The following IREB2 variants were observed in gnomAD, a reference collection of about 807,000 sequenced individuals.
The protein encoded by IREB2 is iron-responsive element-binding protein 2.
A neutral mutation model predicts 118.8 loss-of-function variants in IREB2; 39 were observed. The ratio of observed to expected loss-of-function variants is 0.33; its 90% CI spans 0.25 to 0.43. IREB2 has a LOEUF of 0.43. IREB2 is among the 20% of genes least tolerant of loss of function. The pLI, the probability that IREB2 is intolerant of heterozygous loss-of-function variation, is 1.00. For synonymous variants in IREB2, 372 were observed against 392.2 expected (o/e 0.95, Z 0.61); for missense variants, 900 against 1,147.3 (o/e 0.78, Z 3.11).
chr15:78,468,221 T>C (rs537056047), intron 5 of IREB2, among the ~76,000 whole-genome samples: 1 of 152,218 alleles, frequency 6.6e-6, no homozygotes, highest in South Asian at 2.1e-4. Flanking sequence ...ATGTAAAATA[T>C]AACAATTTAT....
chr15:78,446,439 G>A (rs906140267), intron 2 of IREB2, among the ~76,000 whole-genome samples: 5 of 152,050 alleles, frequency 3.3e-5, no homozygotes, highest in South Asian at 2.1e-4. Flanking sequence ...ATGATACAGC[G>A]CTCCCCAGGC....
In IREB2 at chr15:78,470,558, A is replaced by C. The variant is rs200887475; in HGVS notation, c.656A>C (p.Glu219Ala). Residue 219 changes from glutamate to alanine, a missense_variant, in exon 6 of 22, where the codon GAA becomes GCA. By Grantham distance (107) the Glu-to-Ala change is moderately radical. Transcript: ENST00000258886. The part of the protein sequence containing the change: ...PEPETVLKNQ[E>A]VEFGRNRERL... ...CCTGAAACAGTGTTAAAAAATCAAG[A>C]AGTAGAATTCGGCAGAAATCGAGAG... 523 of 1,596,040 alleles carry C rather than the reference A, an allele frequency of 3.3e-4. No homozygotes were observed. The highest frequency in any genetic ancestry group is 3.3e-4 in the Non-Finnish European group (383 of 1,167,938).
chr15:78,466,687 C>G (rs2051289152), intron 5 of IREB2, among the ~76,000 whole-genome samples, 198 bp downstream of exon 5: 1 of 152,102 alleles, frequency 6.6e-6, no homozygotes, highest in South Asian at 2.1e-4. Context: ...ACCATTCTCT[C>G]TTACCATTAC....
At chr15:78,462,873 A>G (rs781312779) in intron 2 of IREB2, 49 bp from the exon 3 acceptor site, 13 of 1,360,352 alleles carry the variant, frequency 9.6e-6, no homozygotes, top group Non-Finnish European at 9.0e-6. Flanking sequence ...TAAAAATAAT[A>G]TATAGGTATG....
intron 8 of IREB2, 56 bp downstream of exon 8, chr15:78,473,437 TGAAGA>T (rs1457710339): frequency 1.3e-6 from 2 of 1,485,434 alleles, no homozygotes; most frequent in African/African-American, 2.8e-5. Context: ...TTATAAAAAT[TGAAGA>T]GCTCTATGAG....
At chr15:78,458,229 C>A (rs2051137342) in intron 2 of IREB2, among the ~76,000 whole-genome samples, 1 of 152,046 alleles carries the variant, frequency 6.6e-6, no homozygotes, top group Admixed American at 6.6e-5. Flanking sequence ...TGAAAAATTT[C>A]AAACATGAAA....
chr15:78,440,769 T>A (rs190506365), intron 2 of IREB2, among the ~76,000 whole-genome samples: 2 of 152,332 alleles, frequency 1.3e-5, no homozygotes, highest in Admixed American at 1.3e-4. Context: ...TTCTGAAGTA[T>A]TGGGCATGGT....
At chr15:78,490,044 C>T (rs1343395408) in intron 16 of IREB2, among the ~76,000 whole-genome samples, 1 of 152,012 alleles carries the variant, frequency 6.6e-6, no homozygotes, top group Non-Finnish European at 1.5e-5. Context: ...TGGAGTGTTC[C>T]TGAACATCTG....
intron 10 of IREB2, among the ~76,000 whole-genome samples, chr15:78,479,831 C>T (rs866763162): frequency 7.9e-5 from 12 of 151,176 alleles, no homozygotes; most frequent in African/African-American, 1.9e-4. Flanking sequence ...TGAGTAGGGA[C>T]GATGGCTTGA....
rs201574906 is a variant in IREB2 at position 78,497,227 on chromosome 15, A to G, written c.2697A>G (p.Ala899=). The G allele has an allele frequency of 9.2e-5, 149 of 1,613,712 alleles. No individual in the cohort carries two copies. Among genetic ancestry groups the G allele is most frequent in the Middle Eastern group, 3.3e-4 (2 of 6,084 alleles). Residue 899 remains alanine, a synonymous_variant, in exon 21 of 22, where the codon GCA becomes GCG. Transcript: ENST00000258886. ...APLQFLPGEN[A]DSLGLSGRET... is the part of the protein sequence containing the mutation. ...TTCAGTTCCTTCCAGGAGAAAATGCAGATTCCTTGGGCCTCTCCGGTAGAG... is the reference window on the plus strand; with the variant it reads ...TTCAGTTCCTTCCAGGAGAAAATGCGGATTCCTTGGGCCTCTCCGGTAGAG...
At chr15:78,463,908 A>C (rs1324358439) in intron 3 of IREB2, among the ~76,000 whole-genome samples, 1 of 152,152 alleles carries the variant, frequency 6.6e-6, no homozygotes, top group Non-Finnish European at 1.5e-5. Context: ...CTTTTCTGTT[A>C]TAGTAAATGG....
intron 10 of IREB2, among the ~76,000 whole-genome samples, chr15:78,483,086 C>T (rs1002685712): frequency 6.6e-6 from 1 of 152,118 alleles, no homozygotes; most frequent in East Asian, 1.9e-4. Flanking sequence ...AGTTTAATTG[C>T]ATACTGATCT....
intron 2 of IREB2, among the ~76,000 whole-genome samples, chr15:78,451,650 A>G (rs964833690): frequency 4.6e-5 from 7 of 152,142 alleles, no homozygotes; most frequent in African/African-American, 1.4e-4. Flanking sequence ...TTGAGCACTG[A>G]CGCTCAAAGG....
Position 78,488,182 on chromosome 15 carries a change from T to A in IREB2, c.1797T>A (p.Gly599=). 1 of 1,604,998 alleles carries A rather than the reference T, an allele frequency of 6.2e-7. No individual in the cohort carries two copies. The highest frequency in any genetic ancestry group is 8.5e-7 in the Non-Finnish European group (1 of 1,177,100). ...SDAVLNAVKQ[G]DLVTCGILSG... The stretch of plus-strand genomic sequence containing the variant: ...TTGTGTGTTTGTGTTTTTTTCAGGG[T>A]GATTTGGTTACCTGTGGAATTTTAT... Residue 599 remains glycine (G), a splice_region_variant and synonymous_variant, in exon 15 of 22, where the codon GGT becomes GGA. Transcript: ENST00000258886.
chr15:78,457,928 G>A (rs1052497229), intron 2 of IREB2, among the ~76,000 whole-genome samples: 1 of 151,862 alleles, frequency 6.6e-6, no homozygotes, highest in African/African-American at 2.4e-5. Context: ...CCCTTGGTTT[G>A]GGGAATTTTT....
Position 78,484,937 on chromosome 15 carries a change from G to T in IREB2, c.1573+17G>T. The T allele has an allele frequency of 6.3e-7, 1 of 1,593,024 alleles. No individual in the cohort carries two copies. The highest frequency in any genetic ancestry group is 1.1e-5 in the South Asian group (1 of 87,848). On this transcript the variant is annotated intron_variant, in intron 12 of 21. Transcript: ENST00000258886. ...TTGCTGCAGGTGGGTTGTGGTTTAT[G>T]GCCATACTTTTTCTTTTTCCTTAAT...
chr15:78,489,500 T>G (rs143617507), intron 16 of IREB2, among the ~76,000 whole-genome samples: 74 of 152,214 alleles, frequency 4.9e-4, no homozygotes, highest in African/African-American at 1.7e-3. Context: ...GCAATATTTA[T>G]TATTTTTTAT....
chr15:78,485,651 T>G, intron 12 of IREB2, 54 bp from the exon 13 acceptor site: 6 of 1,568,250 alleles, frequency 3.8e-6, no homozygotes, highest in Non-Finnish European at 5.2e-6. Flanking sequence ...TTAATATGGG[T>G]GAGAGAGGGA....
At chr15:78,487,612 C>T (rs1352407354) in intron 13 of IREB2, 121 bp from the exon 14 acceptor site, 15 of 611,438 alleles carry the variant, frequency 2.5e-5, no homozygotes, top group East Asian at 1.5e-4. Context: ...AAGGTTAATC[C>T]ATGTGTCATG....
Sources: allele counts gnomAD v4.1 joint callset (sites outside exome capture counted in the v4.1 genomes callset), GRCh38; gene constraint gnomAD v4.1.1; transcripts MANE v1.5; gene names NCBI Gene and HGNC (gene_info 2026-07-23, HGNC 2026-07-21).